Variants in CNOT4 observed in about 807,000 individuals in gnomAD.
The protein encoded by CNOT4 is CCR4-associated factor 4.
In CNOT4, 8 loss-of-function variants were observed where a neutral mutation model predicts 73.8. That is an observed-to-expected ratio of 0.11 (90% CI 0.06 to 0.20). CNOT4 has a LOEUF of 0.20. Among genes scored for constraint, CNOT4 ranks in the 10% least tolerant of loss-of-function variants. The probability of loss-of-function intolerance (pLI) is 1.00; values close to 1 mark genes in which losing one functional copy is unlikely to be tolerated. For synonymous variants in CNOT4, 293 were observed against 321.1 expected (o/e 0.91, Z 0.94); for missense variants, 564 against 883.4 (o/e 0.64, Z 4.58).
In CNOT4 at chr7:135,384,745, G is replaced by A. The variant is rs750931687; in HGVS notation, c.1627+9173C>T. ...TGTAAGGTCTGCCTTTAAATATTTA[G>A]GTTCTTCTTCTCCCTTATATTAAAG... On this transcript the variant is annotated intron_variant, in intron 10 of 11. Coordinates refer to ENST00000541284, the MANE Select transcript of CNOT4 (RefSeq NM_001190850.2). 4 of 764,940 alleles carry A rather than the reference G, an allele frequency of 5.2e-6. No homozygotes were observed. The Admixed American group carries it at 6.8e-5, about 13-fold the overall frequency. 47.4% of individuals were successfully genotyped at this position (764,940 alleles called of 1,614,324 possible).
At chr7:135,432,121 G>A (rs1798885411) in intron 2 of CNOT4, among the ~76,000 whole-genome samples, 1 of 151,900 alleles carries the variant, frequency 6.6e-6, no homozygotes, top group South Asian at 2.1e-4. Flanking sequence ...CAATAATAAA[G>A]ACAGTATGGT....
chr7:135,447,640 G>A (rs1322909122), intron 1 of CNOT4, among the ~76,000 whole-genome samples: 1 of 152,142 alleles, frequency 6.6e-6, no homozygotes, highest in Non-Finnish European at 1.5e-5. Context: ...GAGATAGCTG[G>A]GAATCTCTTC....
At chr7:135,499,657 A>T (rs1423278288) in intron 1 of CNOT4, among the ~76,000 whole-genome samples, 1 of 152,048 alleles carries the variant, frequency 6.6e-6, no homozygotes, top group East Asian at 1.9e-4. Context: ...TTAAATACAA[A>T]TTTCCTGGGG....
intron 10 of CNOT4, among the ~76,000 whole-genome samples, chr7:135,393,601 T>C (rs557922306): frequency 6.6e-6 from 1 of 152,324 alleles, no homozygotes; most frequent in African/African-American, 2.4e-5. Context: ...TTGGACTTTA[T>C]AGTACCATAA....
intron 7 of CNOT4, among the ~76,000 whole-genome samples, chr7:135,408,869 C>CTG (rs1797446575): frequency 6.6e-6 from 1 of 152,150 alleles, no homozygotes; most frequent in South Asian, 2.1e-4. Context: ...GGAGGGCATG[C>CTG]TGTACACAAA....
At position 135,394,126 on chromosome 7, in the gene CNOT4, G is replaced by C; in HGVS notation, c.1419C>G (p.Pro473=). 4 of 1,614,162 alleles carry C rather than the reference G, an allele frequency of 2.5e-6. No homozygotes were observed. Among genetic ancestry groups the C allele is most frequent in the Non-Finnish European group, 3.4e-6 (4 of 1,180,028 alleles). Residue 473 remains proline, a synonymous_variant, in exon 10 of 12, where the codon CCC becomes CCG. Transcript: ENST00000541284. ...NSLNSTFSVL[P]QRFPQFQQHR... is the part of the protein sequence containing the mutation. ...GCTGCTGAAATTGAGGGAACCTCTGGGGCAAGACTGAAAAGGTACTATTGA... is the reference window on the plus strand; with the variant it reads ...GCTGCTGAAATTGAGGGAACCTCTGCGGCAAGACTGAAAAGGTACTATTGA...
chr7:135,387,973 TTAC>T (rs1796205013), intron 10 of CNOT4: 72 of 977,970 alleles, frequency 7.4e-5, no homozygotes, highest in Non-Finnish European at 8.7e-5. Context: ...TCCCACAGAA[TTAC>T]TGTTTGTTCA....
chr7:135,388,580 T>C (rs1049760746), intron 10 of CNOT4: 13 of 1,154,430 alleles, frequency 1.1e-5, no homozygotes, highest in Non-Finnish European at 1.4e-5. Flanking sequence ...TGAGAAACAA[T>C]GCCAAAATTA....
At chr7:135,470,695 G>C (rs1342624774) in intron 1 of CNOT4, among the ~76,000 whole-genome samples, 2 of 152,064 alleles carry the variant, frequency 1.3e-5, no homozygotes, top group Non-Finnish European at 2.9e-5. Flanking sequence ...GGTGAAACAT[G>C]AACAAACCTG....
chr7:135,380,932 G>C (rs1255389696), intron 10 of CNOT4, among the ~76,000 whole-genome samples: 4 of 152,028 alleles, frequency 2.6e-5, no homozygotes, highest in Non-Finnish European at 4.4e-5. Flanking sequence ...CCTTTCCTTG[G>C]GTTTTCCCAA....
At chr7:135,404,464 A>G (rs534470912) in intron 7 of CNOT4, among the ~76,000 whole-genome samples, 2 of 152,320 alleles carry the variant, frequency 1.3e-5, no homozygotes, top group African/African-American at 4.8e-5. Context: ...GAATGTGCAC[A>G]GATGCAAAAT....
intron 3 of CNOT4, among the ~76,000 whole-genome samples, chr7:135,421,453 T>C (rs1048570061): frequency 2.6e-5 from 4 of 152,172 alleles, no homozygotes; most frequent in Admixed American, 1.3e-4. Context: ...CAGTATCTCA[T>C]GGTATATCAG....
At chr7:135,377,034 C>T (rs1205863225) in intron 10 of CNOT4, among the ~76,000 whole-genome samples, 1 of 151,948 alleles carries the variant, frequency 6.6e-6, no homozygotes, top group Non-Finnish European at 1.5e-5. Flanking sequence ...TACAACAGAC[C>T]AAGCATACAT....
chr7:135,374,915 T>C (rs997895361), intron 10 of CNOT4, among the ~76,000 whole-genome samples: 2 of 152,202 alleles, frequency 1.3e-5, no homozygotes, highest in Non-Finnish European at 1.5e-5. Context: ...TTATGATACT[T>C]GGTCTGGCAA....
chr7:135,427,992 C>T (rs1042280743), intron 2 of CNOT4, among the ~76,000 whole-genome samples: 7 of 152,082 alleles, frequency 4.6e-5, no homozygotes, highest in African/African-American at 1.4e-4. Context: ...CACCTCCAAA[C>T]GGTGGGCTCA....
chr7:135,449,292 T>C (rs1174126863), intron 1 of CNOT4, among the ~76,000 whole-genome samples: 1 of 152,176 alleles, frequency 6.6e-6, no homozygotes, highest in Non-Finnish European at 1.5e-5. Flanking sequence ...GTACGTGAAA[T>C]ATTCTGCTTT....
intron 3 of CNOT4, among the ~76,000 whole-genome samples, chr7:135,416,301 C>T (rs1185240639): frequency 1.3e-5 from 2 of 151,978 alleles, no homozygotes; most frequent in South Asian, 2.1e-4. Context: ...AAATCTACGG[C>T]GGGTGTATCA....
Position 135,414,409 on chromosome 7 carries a change from T to A in CNOT4, c.483A>T (p.Val161=). The A allele has an allele frequency of 6.5e-7, 1 of 1,542,652 alleles. No individual in the cohort carries two copies. Among genetic ancestry groups the A allele is most frequent in the Non-Finnish European group, 9.0e-7 (1 of 1,117,064 alleles). ...GSQGPSASAY[V]TYIRSEDALR... Reference sequence around the variant, plus strand: ...GAGCGTCTTCTGACCGGATATAGGTTACATAAGCACTGGCACTTGGACCCT... The same window carrying A: ...GAGCGTCTTCTGACCGGATATAGGTAACATAAGCACTGGCACTTGGACCCT... The change falls in exon 5 of 12, where the codon GTA becomes GTT. Residue 161 remains valine (V), a synonymous_variant. Coordinates refer to ENST00000541284, the MANE Select transcript of CNOT4 (RefSeq NM_001190850.2).
chr7:135,454,840 T>C (rs991035309), intron 1 of CNOT4, among the ~76,000 whole-genome samples: 1 of 152,014 alleles, frequency 6.6e-6, no homozygotes, highest in African/African-American at 2.4e-5. Context: ...GCCGAGATCA[T>C]GCCACTTCAC....
Sources: allele counts gnomAD v4.1 joint callset (sites outside exome capture counted in the v4.1 genomes callset), GRCh38; gene constraint gnomAD v4.1.1; transcripts MANE v1.5; gene names NCBI Gene and HGNC (gene_info 2026-07-23, HGNC 2026-07-21).